The following HGSNAT variants were observed in gnomAD, a reference collection of about 807,000 sequenced individuals.
The protein encoded by HGSNAT is transmembrane protein 76.
HGSNAT carries 59 observed loss-of-function variants against 85.2 expected under a neutral mutation model. The ratio of observed to expected loss-of-function variants is 0.69; its 90% CI spans 0.56 to 0.86. HGSNAT has a LOEUF of 0.86. Among genes scored for constraint, HGSNAT ranks in the 40% least tolerant of loss-of-function variants. The pLI is 0.00. For missense variants in HGSNAT, 756 were observed against 777.1 expected (o/e 0.97, Z 0.32); for synonymous variants, 321 against 304.5 (o/e 1.05, Z -0.56).
chr8:43,189,237 G>T (rs550108456), intron 11 of HGSNAT, among the ~76,000 whole-genome samples: 82 of 152,350 alleles, frequency 5.4e-4, no homozygotes, highest in Middle Eastern at 3.4e-3. Flanking sequence ...CAGAGGTGGA[G>T]TCTACAGAGG....
chr8:43,141,252 T>C (rs1347818233), intron 1 of HGSNAT, among the ~76,000 whole-genome samples: 1 of 151,992 alleles, frequency 6.6e-6, no homozygotes, highest in South Asian at 2.1e-4. Context: ...TCCGCGCGTC[T>C]CCCCTCGGCG....
intron 11 of HGSNAT, among the ~76,000 whole-genome samples, chr8:43,183,256 T>A (rs1330593357): frequency 6.6e-6 from 1 of 152,142 alleles, no homozygotes; most frequent in Non-Finnish European, 1.5e-5. Context: ...TGCCTTAACC[T>A]CCCAGGCTCA....
chr8:43,197,880 T>C lies in HGSNAT; in HGVS notation c.1654T>C (p.Phe552Leu). The change falls in exon 17 of 18, where the codon TTC (phenylalanine) becomes CTC (leucine). Residue 552 changes from phenylalanine (F) to leucine (L), a missense_variant. By Grantham distance (22) the Phe-to-Leu change is conservative. Transcript: ENST00000379644. ...YVTTLSSFAF[F>L]ILLVLYPVVD... ...CACTACGCTCAGTTCTTTTGCCTTCTTCATCCTGCTGGTCCTGTACCCAGT... is the reference window on the plus strand; with the variant it reads ...CACTACGCTCAGTTCTTTTGCCTTCCTCATCCTGCTGGTCCTGTACCCAGT... The C allele has an allele frequency of 6.2e-7, 1 of 1,614,008 alleles. No homozygotes were observed. Among genetic ancestry groups the C allele is most frequent in the Non-Finnish European group, 8.5e-7 (1 of 1,179,872 alleles).
At chr8:43,153,807 T>G (rs1802998554) in intron 2 of HGSNAT, among the ~76,000 whole-genome samples, 1 of 152,234 alleles carries the variant, frequency 6.6e-6, no homozygotes, top group Admixed American at 6.5e-5. Context: ...TATTTGTCTT[T>G]CTGTGTCTGG....
At chr8:43,150,607 G>C (rs1802875887) in intron 2 of HGSNAT, among the ~76,000 whole-genome samples, 2 of 152,110 alleles carry the variant, frequency 1.3e-5, no homozygotes, top group African/African-American at 4.8e-5. Flanking sequence ...GCCAAGGTGG[G>C]CGGATCACAA....
intron 11 of HGSNAT, 29 bp from the exon 12 acceptor site, chr8:43,191,443 ACC>A (rs1804523522): frequency 6.2e-7 from 1 of 1,604,444 alleles, no homozygotes; most frequent in Non-Finnish European, 8.5e-7. Flanking sequence ...CATTTAGTTC[ACC>A]CGTGTTTTAT....
rs182504686 is a variant in HGSNAT at position 43,169,338 on chromosome 8, A to G, written c.633+96A>G. The G allele has an allele frequency of 4.3e-4, 343 of 797,360 alleles. No individual in the cohort carries two copies. The African/African-American group carries it at 5.5e-3, about 13-fold the overall frequency. The allele number at this position is 797,360 out of a possible 1,614,324, so 49.4% of individuals were successfully genotyped here. A position where few individuals can be genotyped will look rare whatever the true frequency, so the allele number is the denominator to read the frequency against. ...ATCATTATTGTCCAGTTTTATGTTT[A>G]TATTGAGGAAGGCCAGGTTGTAGCT... On this transcript the variant is annotated intron_variant, in intron 6 of 17. Coordinates refer to ENST00000379644, the MANE Select transcript of HGSNAT (RefSeq NM_152419.3).
intron 6 of HGSNAT, 130 bp downstream of exon 6, chr8:43,169,372 C>T (rs1334732354): frequency 3.7e-6 from 2 of 546,566 alleles, no homozygotes; most frequent in East Asian, 3.0e-5. Context: ...CTCCCGTATT[C>T]CTAATAGAGA....
At chr8:43,157,982 G>A (rs1206132290) in intron 2 of HGSNAT, among the ~76,000 whole-genome samples, 4 of 152,096 alleles carry the variant, frequency 2.6e-5, no homozygotes, top group African/African-American at 9.7e-5. Flanking sequence ...AAACTTACTT[G>A]TTAATATTAA....
At chr8:43,151,626 T>A (rs1311007872) in intron 2 of HGSNAT, among the ~76,000 whole-genome samples, 1 of 152,210 alleles carries the variant, frequency 6.6e-6, no homozygotes, top group South Asian at 2.1e-4. Context: ...CTCATACTTC[T>A]GCACAACAAA....
At chr8:43,166,462 A>G (rs1803438924) in intron 5 of HGSNAT, among the ~76,000 whole-genome samples, 1 of 152,250 alleles carries the variant, frequency 6.6e-6, no homozygotes, top group African/African-American at 2.4e-5. Flanking sequence ...AGGGTCCTTA[A>G]GAATTATGCT....
intron 11 of HGSNAT, among the ~76,000 whole-genome samples, chr8:43,183,100 A>G (rs955080435): frequency 6.6e-6 from 1 of 152,212 alleles, no homozygotes; most frequent in African/African-American, 2.4e-5. Flanking sequence ...CATCACCTCA[A>G]ACAGTTATTA....
rs573701131 is a variant in HGSNAT, at chr8:43,149,900, T to G, written c.234+2837T>G. Among the ~76,000 whole-genome samples the G allele has an allele frequency of 6.6e-5, 10 of 152,140 alleles. 1 individual carries two copies. In the East Asian group the frequency reaches 1.9e-3, roughly 29 times the overall value. On this transcript the variant is annotated intron_variant, in intron 2 of 17. Coordinates refer to ENST00000379644, the MANE Select transcript of HGSNAT (RefSeq NM_152419.3). Reference sequence around the variant, plus strand: ...TCAGTTACTAGCTGAGTTGAAGAATTTCCTGTTCTGTTTCCCTCTTTATCT... The same window carrying G: ...TCAGTTACTAGCTGAGTTGAAGAATGTCCTGTTCTGTTTCCCTCTTTATCT...
At chr8:43,182,331 TC>T in intron 11 of HGSNAT, 71 bp downstream of exon 11, 2 of 1,206,454 alleles carry the variant, frequency 1.7e-6, no homozygotes, top group Non-Finnish European at 1.2e-6. Flanking sequence ...GGTGATACGG[TC>T]TCACTATGTT....
intron 9 of HGSNAT, among the ~76,000 whole-genome samples, chr8:43,174,904 C>A (rs1024490730): frequency 6.6e-6 from 1 of 152,168 alleles, no homozygotes; most frequent in South Asian, 2.1e-4. Context: ...ACCACGCCCC[C>A]TCCTTCCCTC....
intron 10 of HGSNAT, 66 bp downstream of exon 10, chr8:43,178,300 G>T: frequency 8.1e-7 from 1 of 1,228,588 alleles, no homozygotes; most frequent in South Asian, 2.1e-5. Flanking sequence ...GTTGTAATTT[G>T]AGAGAAATGC....
chr8:43,168,728 TTGTG>T (rs1049969368), intron 5 of HGSNAT, among the ~76,000 whole-genome samples: 69 of 152,312 alleles, frequency 4.5e-4, no homozygotes, highest in African/African-American at 1.6e-3. Flanking sequence ...TAATGTTTCT[TTGTG>T]TGGGCAGAGC....
At chr8:43,178,529 A>G (rs1002366641) in intron 10 of HGSNAT, among the ~76,000 whole-genome samples, 2 of 151,034 alleles carry the variant, frequency 1.3e-5, no homozygotes, top group African/African-American at 4.9e-5. Flanking sequence ...GAGGCACAGC[A>G]GGGACCAGAC....
rs1182647229 is a variant in HGSNAT at position 43,180,107 on chromosome 8, C to G, written c.1012+1873C>G. On this transcript the variant is annotated intron_variant, in intron 10 of 17. Transcript: ENST00000379644. ...CCGGACGGGGCGGCTGGCCGACCCC[C>G]CCCCCCACCGCCTCCCTCCCGGATG... is the stretch of plus-strand genomic sequence containing the variant. Among the ~76,000 whole-genome samples, 3 of 129,464 alleles carry G rather than the reference C, an allele frequency of 2.3e-5. 1 individual carries two copies. Among genetic ancestry groups the G allele is most frequent in the Admixed American group, 2.2e-4 (3 of 13,950 alleles). 84.9% of individuals were successfully genotyped at this position (129,464 alleles called of 152,430 possible). A position where few individuals can be genotyped will look rare whatever the true frequency, so the allele number is the denominator to read the frequency against.
Sources: gnomAD v4.1 joint callset for allele counts (sites outside exome capture counted in the v4.1 genomes callset) on GRCh38, gnomAD v4.1.1 for gene constraint, MANE v1.5 for transcripts, NCBI Gene and HGNC (gene_info 2026-07-23, HGNC 2026-07-21) for gene names.